The following PCDH7 variants were observed in gnomAD, a reference collection of about 807,000 sequenced individuals.
PCDH7 encodes the protein protocadherin 7.
Under a neutral mutation model 58.9 loss-of-function variants are expected in PCDH7, and 17 were observed. The ratio of observed to expected loss-of-function variants is 0.29; its 90% CI spans 0.20 to 0.43. PCDH7 has a LOEUF of 0.43. Among genes scored for constraint, PCDH7 ranks in the 20% least tolerant of loss-of-function variants. The pLI, the probability that PCDH7 is intolerant of heterozygous loss-of-function variation, is 1.00. For missense variants in PCDH7, 1,274 were observed against 1,441.0 expected, an observed-to-expected ratio of 0.88 and a Z score of 1.88; for synonymous variants, 664 against 616.4, an observed-to-expected ratio of 1.08 and a Z score of -1.14.
intron 1 of PCDH7, among the ~76,000 whole-genome samples, chr4:30,774,753 G>A (rs1042114169): frequency 6.6e-6 from 1 of 152,130 alleles, no homozygotes. Context: ...ATGTTCTAGG[G>A]ATATATAGTA....
intron 3 of PCDH7, among the ~76,000 whole-genome samples, chr4:31,064,197 T>C (rs1028923601): frequency 1.3e-5 from 2 of 152,042 alleles, no homozygotes; most frequent in Non-Finnish European, 1.5e-5. Context: ...GTTTTACTTA[T>C]TGTTTTCTAT....
rs1357976567 is a variant in PCDH7, at chr4:31,016,731, A to G, written c.*7+66516A>G. ...ATAATTTCATTGAAAAGACTCTTAC[A>G]TGAGCTGTCTCAATACAGTGTCTCA... On this transcript the variant is annotated intron_variant, in intron 3 of 3. Coordinates refer to the PCDH7 transcript ENST00000509759. Among the ~76,000 whole-genome samples, 4 of 152,306 alleles carry G rather than the reference A, an allele frequency of 2.6e-5. No individual in the cohort carries two copies. In the East Asian group the frequency reaches 5.8e-4, roughly 22 times the overall value.
chr4:30,886,961 T>C (rs954031486), intron 1 of PCDH7, among the ~76,000 whole-genome samples: 2 of 112,780 alleles, frequency 1.8e-5, no homozygotes, highest in Admixed American at 2.4e-4. Flanking sequence ...CATCACACTC[T>C]GGGGACTGTT....
intron 1 of PCDH7, among the ~76,000 whole-genome samples, chr4:30,796,406 A>G (rs1478772121): frequency 6.6e-6 from 1 of 152,190 alleles, no homozygotes; most frequent in Non-Finnish European, 1.5e-5. Flanking sequence ...GTAATATTGT[A>G]TCGTGGAAAT....
At chr4:31,097,623 TATATATATATATATAA>T (rs1415789387) in intron 3 of PCDH7, among the ~76,000 whole-genome samples, 1 of 40,566 alleles carries the variant, frequency 2.5e-5, no homozygotes, top group Non-Finnish European at 3.7e-5. Context: ...TATATATATA[TATATATATATATATAA>T]ATCTTTTTTC....
At chr4:30,877,921 A>G (rs1038905174) in intron 1 of PCDH7, among the ~76,000 whole-genome samples, 1 of 152,160 alleles carries the variant, frequency 6.6e-6, no homozygotes, top group Non-Finnish European at 1.5e-5. Flanking sequence ...CTGAATTGCC[A>G]TGGTGCCTTA....
At chr4:31,055,231 T>G (rs925851771) in intron 3 of PCDH7, among the ~76,000 whole-genome samples, 1 of 152,178 alleles carries the variant, frequency 6.6e-6, no homozygotes, top group Admixed American at 6.5e-5. Flanking sequence ...CAGAAAAACA[T>G]GTTAGATTTG....
intron 3 of PCDH7, among the ~76,000 whole-genome samples, chr4:31,105,638 G>A (rs1689666859): frequency 6.6e-6 from 1 of 152,138 alleles, no homozygotes; most frequent in South Asian, 2.1e-4. Flanking sequence ...GCTTGTGTGT[G>A]TGTTAAACTT....
At chr4:31,141,078 C>T (rs1181974261) in intron 3 of PCDH7, among the ~76,000 whole-genome samples, 2 of 152,152 alleles carry the variant, frequency 1.3e-5, no homozygotes, top group East Asian at 1.9e-4. Flanking sequence ...ACATTAGTGG[C>T]GAGCCTTCAT....
chr4:31,047,573 A>G (rs760223765), intron 3 of PCDH7, among the ~76,000 whole-genome samples: 7 of 152,088 alleles, frequency 4.6e-5, no homozygotes, highest in African/African-American at 1.4e-4. Flanking sequence ...ACTCATTTGT[A>G]TCTTAAGAGA....
intron 3 of PCDH7, among the ~76,000 whole-genome samples, chr4:30,988,832 CCCTG>C (rs1751212002): frequency 6.6e-6 from 1 of 152,098 alleles, no homozygotes; most frequent in Non-Finnish European, 1.5e-5. Context: ...TCTTTGCAGG[CCCTG>C]TGCAATGATG....
chr4:30,722,304 A>G lies in PCDH7; in HGVS notation c.882A>G (p.Leu294=), dbSNP rs760941693. 1.9e-6 allele frequency: 3 copies of G among 1,607,888 alleles called. No homozygotes were observed. The highest frequency in any genetic ancestry group is 2.5e-6 in the Non-Finnish European group (3 of 1,178,184). ...CGCCTCGCTCCTCGCAGGCCATCCT[A>G]CGGGTCCTCATCACCGACGTGAACG... is the stretch of plus-strand genomic sequence containing the variant. Residue 294 remains leucine, a synonymous_variant, in exon 1 of 2, where the codon CTA becomes CTG. Coordinates refer to ENST00000361762, the Ensembl canonical transcript of PCDH7. This position sits in a 1 kb window ranked among gnomAD's most constrained non-coding sequence, Gnocchi z 7.6.
chr4:30,795,000 T>C (rs1724607684), intron 1 of PCDH7, among the ~76,000 whole-genome samples: 1 of 152,130 alleles, frequency 6.6e-6, no homozygotes, highest in Admixed American at 6.6e-5. Context: ...AATTACTATT[T>C]TTCCTCCCTC....
At chr4:31,014,901 T>C (rs1161464018) in intron 3 of PCDH7, among the ~76,000 whole-genome samples, 6 of 152,160 alleles carry the variant, frequency 3.9e-5, no homozygotes, top group Non-Finnish European at 7.4e-5. Flanking sequence ...TTTATTTATG[T>C]GTTTGTTTCT....
chr4:30,808,827 ATTG>A (rs1017748001), intron 1 of PCDH7, among the ~76,000 whole-genome samples: 2 of 152,106 alleles, frequency 1.3e-5, no homozygotes, highest in African/African-American at 4.8e-5. Flanking sequence ...TTTTGTATTT[ATTG>A]TTTTGCAAAT....
intron 3 of PCDH7, among the ~76,000 whole-genome samples, chr4:31,124,100 G>T (rs140759136): frequency 6.6e-6 from 1 of 152,070 alleles, no homozygotes; most frequent in Admixed American, 6.6e-5. Context: ...GGCAACATTC[G>T]AGCAGGAGAA....
rs963852199 is a variant in PCDH7 at position 31,141,291 on chromosome 4, G to A, written c.*8-1182G>A. On this transcript the variant is annotated intron_variant, in intron 3 of 3. Coordinates refer to the PCDH7 transcript ENST00000509759. ...CACTGGTTGCAAATATATTTTCAGA[G>A]GTCAAATTCGTCAGTCTTTAAGTCC... Among the ~76,000 whole-genome samples the A allele has an allele frequency of 3.9e-5, 6 of 152,302 alleles. No individual in the cohort carries two copies. The East Asian group carries it at 7.7e-4, about 20-fold the overall frequency.
chr4:31,007,331 A>G (rs974296711), intron 3 of PCDH7, among the ~76,000 whole-genome samples: 1 of 152,238 alleles, frequency 6.6e-6, no homozygotes, highest in Non-Finnish European at 1.5e-5. Context: ...TGTAATCAAT[A>G]TTAGACAAGA....
intron 1 of PCDH7, among the ~76,000 whole-genome samples, chr4:30,743,901 C>T (rs1301231784): frequency 6.6e-6 from 1 of 152,128 alleles, no homozygotes; most frequent in African/African-American, 2.4e-5. Context: ...TTAACTATCT[C>T]ACTAGATTTC....
Sources: allele counts gnomAD v4.1 joint callset (sites outside exome capture counted in the v4.1 genomes callset), GRCh38; gene constraint gnomAD v4.1.1; non-coding constraint Gnocchi (gnomAD v3.1); transcripts MANE v1.5; gene names NCBI Gene and HGNC (gene_info 2026-07-23, HGNC 2026-07-21).